CWF19L2: variants seen among roughly 807,000 people sequenced by gnomAD.
CWF19L2 encodes the protein CWF19-like protein 2.
CWF19L2 carries 98 observed loss-of-function variants against 111.7 expected under a neutral mutation model. The ratio of observed to expected loss-of-function variants is 0.88; its 90% CI spans 0.75 to 1.04. CWF19L2 has a LOEUF of 1.04. Ranked by LOEUF, CWF19L2 falls within the 50% of genes least tolerant of loss-of-function variation. CWF19L2 has a pLI of 0.00. For synonymous variants in CWF19L2, 351 were observed against 342.9 expected (o/e 1.02, Z -0.26); for missense variants, 1,101 against 1,051.4 (o/e 1.05, Z -0.65).
At chr11:107,444,311 C>T (rs2135423936) in intron 3 of CWF19L2, among the ~76,000 whole-genome samples, 1 of 152,250 alleles carries the variant, frequency 6.6e-6, no homozygotes, top group South Asian at 2.1e-4. Context: ...TCTCCAAACT[C>T]ACCAGTGGCT....
Position 107,441,559 on chromosome 11 carries a change from C to T in CWF19L2, c.514G>A (p.Ala172Thr). The T allele has an allele frequency of 6.4e-7, 1 of 1,552,644 alleles. No homozygotes were observed. Among genetic ancestry groups the T allele is most frequent in the Non-Finnish European group, 8.7e-7 (1 of 1,147,540 alleles). ...ATTTTCCTCATAGTTTCCTTTTCAGCTTTGAGTGATGATGATGACACAGTT... is the reference window on the plus strand; with the variant it reads ...ATTTTCCTCATAGTTTCCTTTTCAGTTTTGAGTGATGATGATGACACAGTT... The part of the protein sequence containing the change: ...VKTVSSSSLK[A>T]EKETMRKIEQ... Residue 172 changes from alanine to threonine, a missense_variant, in exon 5 of 18, where the codon GCT becomes ACT. Transcript: ENST00000282251.
intron 10 of CWF19L2, among the ~76,000 whole-genome samples, chr11:107,407,374 T>A (rs1339600496): frequency 6.7e-6 from 1 of 149,604 alleles, no homozygotes; most frequent in African/African-American, 2.4e-5. Flanking sequence ...TGTGACATCG[T>A]CCCTCCATCT....
intron 12 of CWF19L2, among the ~76,000 whole-genome samples, chr11:107,362,062 CGG>C (rs1591163381): frequency 2.0e-5 from 3 of 152,158 alleles, no homozygotes; most frequent in Admixed American, 6.5e-5. Flanking sequence ...AAAGGGGTGA[CGG>C]ACGCACCTGG....
Position 107,371,053 on chromosome 11 carries a change from G to A in CWF19L2, c.1873-17317C>T, listed in dbSNP as rs1213618882. Among the ~76,000 whole-genome samples the A allele has an allele frequency of 3.6e-4, 38 of 104,738 alleles. 10 individuals are homozygous for A. The East Asian group carries it at 5.0e-3, about 14-fold the overall frequency. The allele number at this position is 104,738 out of a possible 152,430, so 68.7% of individuals were successfully genotyped here. A position where few individuals can be genotyped will look rare whatever the true frequency, so the allele number is the denominator to read the frequency against. On this transcript the variant is annotated intron_variant, in intron 12 of 17. Transcript: ENST00000282251. ...TTTTGAGACGGAGTCTCACTCTGTC[G>A]CCCAGGCTGGAGTGCAGTGGTGCGA...
At chr11:107,361,965 A>G (rs1340397923) in intron 12 of CWF19L2, among the ~76,000 whole-genome samples, 6 of 152,306 alleles carry the variant, frequency 3.9e-5, no homozygotes, top group African/African-American at 1.4e-4. Flanking sequence ...TAGTGGGTGC[A>G]CGCACCGTGC....
At chr11:107,402,690 A>C (rs1470840504) in intron 10 of CWF19L2, among the ~76,000 whole-genome samples, 1 of 151,806 alleles carries the variant, frequency 6.6e-6, no homozygotes, top group Non-Finnish European at 1.5e-5. Context: ...TAAAGAACTA[A>C]AAGTAGAACT....
At chr11:107,360,631 A>G (rs1860313298) in intron 12 of CWF19L2, among the ~76,000 whole-genome samples, 1 of 152,212 alleles carries the variant, frequency 6.6e-6, no homozygotes, top group Non-Finnish European at 1.5e-5. Context: ...TTATCTCCAC[A>G]TCCTCACAAG....
intron 10 of CWF19L2, among the ~76,000 whole-genome samples, chr11:107,415,249 A>T: frequency 6.6e-6 from 1 of 152,062 alleles, no homozygotes; most frequent in Non-Finnish European, 1.5e-5. Context: ...CTCTTCACTC[A>T]AATACACAGA....
At chr11:107,348,077 G>C (rs1345577284) in intron 14 of CWF19L2, among the ~76,000 whole-genome samples, 3 of 152,062 alleles carry the variant, frequency 2.0e-5, no homozygotes, top group Non-Finnish European at 4.4e-5. Context: ...GGTTGCAGAT[G>C]CAATAAAACA....
intron 12 of CWF19L2, among the ~76,000 whole-genome samples, chr11:107,380,758 C>G (rs1388211693): frequency 6.6e-6 from 1 of 152,124 alleles, no homozygotes; most frequent in Non-Finnish European, 1.5e-5. Flanking sequence ...AAAGCAGAGA[C>G]TTGCACACCA....
At chr11:107,407,813 C>A (rs188185202) in intron 10 of CWF19L2, among the ~76,000 whole-genome samples, 1 of 151,956 alleles carries the variant, frequency 6.6e-6, no homozygotes, top group African/African-American at 2.4e-5. Context: ...CCAAATTAGA[C>A]CTGAGAAAAT....
chr11:107,353,992 G>C (rs4343000), intron 12 of CWF19L2, among the ~76,000 whole-genome samples: 39,028 of 151,900 alleles, frequency 0.26, 5,411 homozygotes, highest in Non-Finnish European at 0.32. Flanking sequence ...CTATGTGGTG[G>C]GGACCATTAG....
chr11:107,378,748 C>T (rs1487499858), intron 12 of CWF19L2, among the ~76,000 whole-genome samples: 3 of 150,582 alleles, frequency 2.0e-5, no homozygotes, highest in East Asian at 1.9e-4. Flanking sequence ...GCACATGTAC[C>T]CTAAAGCTTA....
At chr11:107,427,265 C>T (rs1246460132) in intron 8 of CWF19L2, among the ~76,000 whole-genome samples, 1 of 151,882 alleles carries the variant, frequency 6.6e-6, no homozygotes, top group African/African-American at 2.4e-5. Flanking sequence ...TTTCCCTCTC[C>T]AGCCAGTCAC....
intron 14 of CWF19L2, among the ~76,000 whole-genome samples, chr11:107,337,325 C>G (rs1457474154): frequency 1.3e-5 from 2 of 151,132 alleles, no homozygotes; most frequent in African/African-American, 4.9e-5. Flanking sequence ...TATTATTATA[C>G]AACTATACAC....
At chr11:107,386,763 T>C (rs967793829) in intron 12 of CWF19L2, among the ~76,000 whole-genome samples, 3 of 152,058 alleles carry the variant, frequency 2.0e-5, no homozygotes, top group Admixed American at 2.0e-4. Context: ...ACTATTTAAA[T>C]GCTAACACAG....
At chr11:107,454,057 G>A (rs1222758371) in intron 3 of CWF19L2, among the ~76,000 whole-genome samples, 1 of 152,152 alleles carries the variant, frequency 6.6e-6, no homozygotes, top group Non-Finnish European at 1.5e-5. Flanking sequence ...GGCACCTCTG[G>A]ACCCACCCTC....
At chr11:107,408,637 C>T (rs1009878076) in intron 10 of CWF19L2, among the ~76,000 whole-genome samples, 1 of 151,800 alleles carries the variant, frequency 6.6e-6, no homozygotes, top group Non-Finnish European at 1.5e-5. Flanking sequence ...GATGGTATTT[C>T]TAACTGCACA....
intron 8 of CWF19L2, among the ~76,000 whole-genome samples, chr11:107,422,066 T>C (rs960187026): frequency 6.6e-6 from 1 of 151,986 alleles, no homozygotes; most frequent in Non-Finnish European, 1.5e-5. Context: ...ACAACATAAA[T>C]GAAGCTCACA....
Sources: gnomAD v4.1 joint callset for allele counts (sites outside exome capture counted in the v4.1 genomes callset) on GRCh38, gnomAD v4.1.1 for gene constraint, MANE v1.5 for transcripts, NCBI Gene and HGNC (gene_info 2026-07-23, HGNC 2026-07-21) for gene names.